Variants in OSBPL8 observed in about 807,000 individuals in gnomAD.
The protein encoded by OSBPL8 is oxysterol binding protein like 8.
A neutral mutation model predicts 125.5 loss-of-function variants in OSBPL8; 59 were observed. The observed-to-expected ratio is 0.47, with a 90% CI of 0.38 to 0.58. OSBPL8 has a LOEUF of 0.58. OSBPL8 is among the 20% of genes least tolerant of loss of function. The pLI, the probability that OSBPL8 is intolerant of heterozygous loss-of-function variation, is 0.00. For synonymous variants in OSBPL8, 330 were observed against 338.9 expected (o/e 0.97, Z 0.29); for missense variants, 758 against 1,047.8 (o/e 0.72, Z 3.82).
intron 21 of OSBPL8, among the ~76,000 whole-genome samples, 176 bp downstream of exon 21, chr12:76,369,038 T>C (rs1483293302): frequency 3.9e-5 from 6 of 152,164 alleles, no homozygotes; most frequent in Non-Finnish European, 7.4e-5. Context: ...TCTGGCAAAT[T>C]GAGTTGACAG....
At chr12:76,376,989 T>C (rs193267050) in intron 16 of OSBPL8, among the ~76,000 whole-genome samples, 7 of 152,294 alleles carry the variant, frequency 4.6e-5, no homozygotes, top group Admixed American at 6.5e-5. Context: ...TGTGTTCTCA[T>C]TGTTCAACTC....
At chr12:76,480,098 C>T in intron 2 of OSBPL8, among the ~76,000 whole-genome samples, 1 of 133,754 alleles carries the variant, frequency 7.5e-6, no homozygotes, top group African/African-American at 2.9e-5. Flanking sequence ...ACCCAGGAGG[C>T]AGAGGTTGCA....
intron 3 of OSBPL8, among the ~76,000 whole-genome samples, chr12:76,457,061 T>C (rs959739501): frequency 6.6e-6 from 1 of 152,188 alleles, no homozygotes; most frequent in Non-Finnish European, 1.5e-5. Context: ...CGAAACATGA[T>C]GAAAATAGGC....
At chr12:76,402,603 C>T (rs1304848548) in intron 6 of OSBPL8, 86 bp downstream of exon 6, 10 of 937,078 alleles carry the variant, frequency 1.1e-5, no homozygotes, top group African/African-American at 1.7e-5. Context: ...TAGGAACACA[C>T]ATATATATTT....
chr12:76,487,806 A>C (rs1878316485), intron 1 of OSBPL8, among the ~76,000 whole-genome samples, 188 bp from the exon 2 acceptor site: 1 of 152,214 alleles, frequency 6.6e-6, no homozygotes, highest in African/African-American at 2.4e-5. Context: ...AGAAGAAAAA[A>C]ATATTCCAAG....
At chr12:76,535,881 G>C (rs946710471) in intron 1 of OSBPL8, among the ~76,000 whole-genome samples, 2 of 152,144 alleles carry the variant, frequency 1.3e-5, no homozygotes, top group Non-Finnish European at 2.9e-5. Context: ...GTAGGAAAGG[G>C]AAAGATTAAG....
intron 1 of OSBPL8, among the ~76,000 whole-genome samples, chr12:76,496,112 C>T (rs574257781): frequency 1.3e-5 from 2 of 152,140 alleles, no homozygotes; most frequent in East Asian, 3.9e-4. Flanking sequence ...CTTTTTTTAA[C>T]GACACATTCT....
chr12:76,460,211 C>T (rs1181404342), intron 2 of OSBPL8, among the ~76,000 whole-genome samples: 1 of 152,034 alleles, frequency 6.6e-6, no homozygotes, highest in African/African-American at 2.4e-5. Flanking sequence ...CTTTCAATTA[C>T]AATTCAAGAT....
Position 76,394,713 on chromosome 12 carries a change from G to A in OSBPL8, c.689C>T (p.Ala230Val). The change falls in exon 9 of 24, where the codon GCG becomes GTG. Residue 230 changes from alanine (A) to valine (V), a missense_variant. Around this residue, in one of 3 missense-constraint regions of OSBPL8, gnomAD observed 69 missense variants for 148.7 expected, o/e 0.46. Transcript: ENST00000261183. ...TAAGGGTTGAGTAATGGATCCAACC[G>A]CTTCACCTTTTGGACCCTTAATAAC... ...IWAVKGPKGE[A>V]VGSITQPLPS... 1.9e-6 allele frequency: 3 copies of A among 1,611,046 alleles called. No homozygotes were observed. The highest frequency in any genetic ancestry group is 2.5e-6 in the Non-Finnish European group (3 of 1,178,698).
rs776307463 is a variant in OSBPL8 at position 76,523,085 on chromosome 12, G to A, written c.-67-35467C>T. Among the ~76,000 whole-genome samples the A allele has an allele frequency of 3.6e-4, 55 of 152,214 alleles. 1 individual carries two copies. Among genetic ancestry groups the A allele is most frequent in the South Asian group, 8.3e-4 (4 of 4,826 alleles). On this transcript the variant is annotated intron_variant, in intron 1 of 23. Coordinates refer to ENST00000261183, the MANE Select transcript of OSBPL8 (RefSeq NM_020841.5). ...ACTCCTGGGATAAAGTGATCTGTCC[G>A]CCTCAGCTTCCCAAAGTGATAGGAT...
chr12:76,489,401 A>C (rs1306499963), intron 1 of OSBPL8, among the ~76,000 whole-genome samples: 3 of 152,220 alleles, frequency 2.0e-5, no homozygotes, highest in Admixed American at 6.5e-5. Flanking sequence ...TGCAAAGGAC[A>C]AACTGACTCT....
At chr12:76,356,162 T>TGGGGGAGGGGGGGGGGG (rs1951977160) in intron 23 of OSBPL8, 141 bp from the exon 24 acceptor site, 1 of 131,834 alleles carries the variant, frequency 7.6e-6, no homozygotes, top group Non-Finnish European at 1.6e-5. Context: ...TATGTAGGGG[T>TGGGGGAGGGGGGGGGGG]GGGGGGGGGC....
chr12:76,505,988 A>G (rs1880376433), intron 1 of OSBPL8, among the ~76,000 whole-genome samples: 1 of 152,236 alleles, frequency 6.6e-6, no homozygotes, highest in South Asian at 2.1e-4. Context: ...GTAGAATGCT[A>G]TCACTATAAT....
chr12:76,538,923 A>T (rs1434087203), intron 1 of OSBPL8, among the ~76,000 whole-genome samples: 1 of 151,890 alleles, frequency 6.6e-6, no homozygotes, highest in Admixed American at 6.6e-5. Flanking sequence ...AGCCTGGGTG[A>T]CACACCAAGA....
Position 76,356,720 on chromosome 12 carries a change from C to T in OSBPL8, c.2443G>A (p.Val815Ile), listed in dbSNP as rs1031969276. 1.3e-5 allele frequency: 20 copies of T among 1,595,262 alleles called. No individual in the cohort carries two copies. The highest frequency in any genetic ancestry group is 1.7e-5 in the Non-Finnish European group (20 of 1,166,648). The change falls in exon 23 of 24, where the codon GTA (valine) becomes ATA (isoleucine). Residue 815 changes from valine (V) to isoleucine (I), a missense_variant. Coordinates refer to ENST00000261183, the MANE Select transcript of OSBPL8 (RefSeq NM_020841.5). ...QDSSGSEAQS[V>I]KPSTRRKKGI... is the part of the protein sequence containing the mutation. ...TTCTTTCTTCTTGTACTTGGTTTTACTGATTGAGCTAAAAAGACATTTAGA... is the reference window on the plus strand; with the variant it reads ...TTCTTTCTTCTTGTACTTGGTTTTATTGATTGAGCTAAAAAGACATTTAGA...
At chr12:76,550,342 T>C (rs1484773730) in intron 1 of OSBPL8, among the ~76,000 whole-genome samples, 1 of 152,198 alleles carries the variant, frequency 6.6e-6, no homozygotes, top group Non-Finnish European at 1.5e-5. Context: ...AAAGGAATAA[T>C]CATCTAAGCA....
At chr12:76,497,629 C>A (rs1350601485) in intron 1 of OSBPL8, among the ~76,000 whole-genome samples, 3 of 152,178 alleles carry the variant, frequency 2.0e-5, no homozygotes, top group African/African-American at 4.8e-5. Flanking sequence ...CTTCTGAATT[C>A]TTCTCTACGT....
intron 1 of OSBPL8, chr12:76,534,152 C>T (rs1386594677): frequency 6.6e-6 from 1 of 152,042 alleles, no homozygotes; most frequent in Non-Finnish European, 1.5e-5. Context: ...AAATTAAATG[C>T]AATTTTTATC....
At chr12:76,548,966 C>T (rs139575578) in intron 1 of OSBPL8, among the ~76,000 whole-genome samples, 163 of 152,184 alleles carry the variant, frequency 1.1e-3, no homozygotes, top group African/African-American at 3.6e-3. Context: ...CACAAGGTAT[C>T]TTTAAAAAAA....
Sources: gnomAD v4.1 joint callset for allele counts (sites outside exome capture counted in the v4.1 genomes callset) on GRCh38, gnomAD v4.1.1 for gene constraint, gnomAD v4.1.1 regional missense constraint, MANE v1.5 for transcripts, NCBI Gene and HGNC (gene_info 2026-07-23, HGNC 2026-07-21) for gene names.